AGBL1: variants seen among roughly 807,000 people sequenced by gnomAD.
AGBL1 encodes the protein cytosolic carboxypeptidase 4.
Under a neutral mutation model 118.9 loss-of-function variants are expected in AGBL1, and 130 were observed. The ratio of observed to expected loss-of-function variants is 1.09; its 90% CI spans 0.95 to 1.26. AGBL1 has a LOEUF of 1.26. Among genes scored for constraint, AGBL1 ranks in the 50% most tolerant of loss-of-function variants. The pLI, the probability that AGBL1 is intolerant of heterozygous loss-of-function variation, is 0.00. For missense variants in AGBL1, 1,584 were observed against 1,298.1 expected (o/e 1.22, Z -3.38); for synonymous variants, 555 against 478.9 (o/e 1.16, Z -2.08).
chr15:86,942,828 A>C (rs2080770624), intron 23 of AGBL1, among the ~76,000 whole-genome samples: 1 of 152,148 alleles, frequency 6.6e-6, no homozygotes, highest in Non-Finnish European at 1.5e-5. Flanking sequence ...TGAATTACTG[A>C]GTTCTTGTCT....
At chr15:86,521,427 T>G (rs2083187294) in intron 18 of AGBL1, among the ~76,000 whole-genome samples, 1 of 152,202 alleles carries the variant, frequency 6.6e-6, no homozygotes, top group African/African-American at 2.4e-5. Context: ...AGACTATCAC[T>G]GTCCCTGCCC....
intron 24 of AGBL1, among the ~76,000 whole-genome samples, chr15:87,021,606 G>C (rs76190477): frequency 6.6e-6 from 1 of 152,102 alleles, no homozygotes; most frequent in African/African-American, 2.4e-5. Context: ...TGTGACAAAG[G>C]CCTAATATCC....
At chr15:86,991,424 T>C (rs1338924637) in intron 24 of AGBL1, among the ~76,000 whole-genome samples, 5 of 152,020 alleles carry the variant, frequency 3.3e-5, no homozygotes, top group Admixed American at 2.6e-4. Context: ...ATGTACTTTT[T>C]GTTCATTTCA....
chr15:86,648,283 T>A (rs1232526960), intron 21 of AGBL1, among the ~76,000 whole-genome samples: 2 of 152,148 alleles, frequency 1.3e-5, no homozygotes, highest in South Asian at 2.1e-4. Context: ...TGAGGGCTAG[T>A]GATGACTTCC....
intron 21 of AGBL1, among the ~76,000 whole-genome samples, chr15:86,628,532 C>A (rs1002317998): frequency 5.3e-5 from 8 of 152,124 alleles, no homozygotes; most frequent in Non-Finnish European, 1.0e-4. Flanking sequence ...CGCAGTGGCT[C>A]ATGCCTGTAA....
At chr15:86,449,941 C>T (rs1187286263) in intron 18 of AGBL1, among the ~76,000 whole-genome samples, 6 of 106,780 alleles carry the variant, frequency 5.6e-5, no homozygotes, top group Admixed American at 2.0e-4. Flanking sequence ...CTTTTGCTGG[C>T]GTATTAAAAA....
intron 23 of AGBL1, among the ~76,000 whole-genome samples, chr15:86,964,045 G>A (rs944685905): frequency 6.7e-6 from 1 of 149,780 alleles, no homozygotes; most frequent in African/African-American, 2.4e-5. Context: ...GTGTGTGTGT[G>A]TGTGTGTGTG....
At chr15:86,436,349 A>T (rs961566948) in intron 18 of AGBL1, among the ~76,000 whole-genome samples, 4 of 152,050 alleles carry the variant, frequency 2.6e-5, no homozygotes, top group Non-Finnish European at 4.4e-5. Flanking sequence ...GAAAATAAAT[A>T]ATGAAAGAGG....
Position 86,505,164 on chromosome 15 carries a change from T to C in AGBL1, c.2556-17646T>C, listed in dbSNP as rs188344644. On this transcript the variant is annotated intron_variant, in intron 18 of 22. Transcript: ENST00000614907. ...GGTTTCTTGTATAGCATTAGTCAAT[T>C]CTGTCTTGTAGCTTTCAAAATTCTC... Among the ~76,000 whole-genome samples, 872 of 151,992 alleles carry C rather than the reference T, an allele frequency of 5.7e-3. 6 individuals are homozygous for C. Among genetic ancestry groups the C allele is most frequent in the Middle Eastern group, 0.014 (4 of 294 alleles).
At chr15:86,161,754 T>C (rs1229669947) in intron 5 of AGBL1, among the ~76,000 whole-genome samples, 2 of 152,226 alleles carry the variant, frequency 1.3e-5, no homozygotes, top group Non-Finnish European at 2.9e-5. Context: ...CCTTGTTTTC[T>C]ATCTTATCCT....
chr15:86,415,690 T>C (rs1461878117), intron 18 of AGBL1, among the ~76,000 whole-genome samples: 2 of 152,200 alleles, frequency 1.3e-5, no homozygotes. Context: ...TTAATTGTCA[T>C]TAACCTGAAT....
intron 18 of AGBL1, among the ~76,000 whole-genome samples, chr15:86,424,254 C>G (rs1433994667): frequency 6.6e-6 from 1 of 152,168 alleles, no homozygotes; most frequent in Non-Finnish European, 1.5e-5. Context: ...ACCATCTTAT[C>G]TTTGACAAAC....
chr15:86,468,939 C>G (rs1287245151), intron 18 of AGBL1, among the ~76,000 whole-genome samples: 1 of 151,974 alleles, frequency 6.6e-6, no homozygotes, highest in Non-Finnish European at 1.5e-5. Flanking sequence ...TTGTCTTTAT[C>G]AAGGTATAAT....
At chr15:86,894,253 T>C (rs1370529720) in intron 22 of AGBL1, among the ~76,000 whole-genome samples, 2 of 152,190 alleles carry the variant, frequency 1.3e-5, no homozygotes, top group Non-Finnish European at 2.9e-5. Flanking sequence ...TTCTTTCATT[T>C]ATATTTAACT....
rs151203239 is a variant in AGBL1 at position 86,421,897 on chromosome 15, C to A, written c.2555+24351C>A. Among the ~76,000 whole-genome samples, 763 of 152,252 alleles carry A rather than the reference C, an allele frequency of 5.0e-3. 29 individuals carry two copies. The highest frequency in any genetic ancestry group is 0.044 in the Admixed American group (676 of 15,290). ...AAAGGGATCAATGCAACAAGAAGAG[C>A]TAACTGTCTTAAATTTATATGCACC... On this transcript the variant is annotated intron_variant, in intron 18 of 22. Transcript: ENST00000614907.
chr15:86,463,956 G>GT (rs1222437442), intron 18 of AGBL1, among the ~76,000 whole-genome samples: 1 of 152,078 alleles, frequency 6.6e-6, no homozygotes, highest in Non-Finnish European at 1.5e-5. Flanking sequence ...ATTTAAAGTA[G>GT]TTTTTTTCTG....
At chr15:86,244,914 T>G (rs1022506911) in intron 6 of AGBL1, among the ~76,000 whole-genome samples, 9 of 152,186 alleles carry the variant, frequency 5.9e-5, no homozygotes, top group Admixed American at 5.2e-4. Context: ...TAAATAACTC[T>G]CATGCTGTAT....
At chr15:86,440,041 G>T (rs1775938853) in intron 18 of AGBL1, among the ~76,000 whole-genome samples, 1 of 152,096 alleles carries the variant, frequency 6.6e-6, no homozygotes, top group African/African-American at 2.4e-5. Flanking sequence ...ATTAATAACA[G>T]CATTAAGAAC....
intron 22 of AGBL1, among the ~76,000 whole-genome samples, chr15:86,797,170 ATAG>A (rs1257440282): frequency 6.6e-6 from 1 of 152,266 alleles, no homozygotes; most frequent in Non-Finnish European, 1.5e-5. Flanking sequence ...TGTCAGGCAC[ATAG>A]TAGTATTCAC....
Sources: gnomAD v4.1 joint callset for allele counts (sites outside exome capture counted in the v4.1 genomes callset) on GRCh38, gnomAD v4.1.1 for gene constraint, MANE v1.5 for transcripts, NCBI Gene and HGNC (gene_info 2026-07-23, HGNC 2026-07-21) for gene names.